KALRN: variants seen among roughly 807,000 people sequenced by gnomAD.
KALRN encodes kalirin.
A neutral mutation model predicts 353.7 loss-of-function variants in KALRN; 70 were observed. The observed-to-expected ratio is 0.20, with a 90% CI of 0.16 to 0.24. KALRN has a LOEUF of 0.24. Among genes scored for constraint, KALRN ranks in the 10% least tolerant of loss-of-function variants. KALRN has a pLI of 1.00. For synonymous variants in KALRN, 1,391 were observed against 1,434.8 expected (o/e 0.97, Z 0.69); for missense variants, 2,791 against 3,756.7 (o/e 0.74, Z 6.72).
intron 34 of KALRN, among the ~76,000 whole-genome samples, chr3:124,564,331 T>G (rs2072513826): frequency 6.6e-6 from 1 of 151,770 alleles, no homozygotes; most frequent in African/African-American, 2.4e-5. Context: ...TGCAGTGAGC[T>G]ATGATTGCAT....
intron 1 of KALRN, among the ~76,000 whole-genome samples, chr3:124,113,909 C>G (rs1021024551): frequency 6.6e-6 from 1 of 152,218 alleles, no homozygotes; most frequent in Non-Finnish European, 1.5e-5. Flanking sequence ...TTCTTATCAA[C>G]CACTTAAGGA....
chr3:124,163,829 G>A, intron 1 of KALRN: 1 of 985,500 alleles, frequency 1.0e-6, no homozygotes, highest in Non-Finnish European at 1.2e-6. Context: ...CCTGACTGAT[G>A]TTTAATGCCT....
chr3:124,465,648 G>A (rs945931773), intron 25 of KALRN, among the ~76,000 whole-genome samples: 16 of 152,062 alleles, frequency 1.1e-4, no homozygotes, highest in African/African-American at 2.2e-4. Flanking sequence ...ATACTTGTCC[G>A]AAATTGTCAC....
chr3:124,271,039 G>A (rs1477765922), intron 5 of KALRN, among the ~76,000 whole-genome samples: 4 of 152,052 alleles, frequency 2.6e-5, no homozygotes, highest in Non-Finnish European at 5.9e-5. Context: ...CACCGTGTTA[G>A]CCAGGATGGT....
intron 27 of KALRN, among the ~76,000 whole-genome samples, chr3:124,480,737 A>T (rs77296097): frequency 6.6e-6 from 1 of 152,116 alleles, no homozygotes; most frequent in Non-Finnish European, 1.5e-5. Context: ...CAAGCAACCA[A>T]TGATCTACTT....
chr3:124,652,077 G>A (rs993881213), intron 38 of KALRN, among the ~76,000 whole-genome samples: 3 of 152,184 alleles, frequency 2.0e-5, no homozygotes, highest in Admixed American at 2.0e-4. Context: ...CCTCCCTGTT[G>A]TTAATTAGCC....
rs78788264 is a variant in KALRN, at chr3:124,359,212, T to C, written c.1770+11947T>C. On this transcript the variant is annotated intron_variant, in intron 10 of 59. Coordinates refer to ENST00000682506, the MANE Select transcript of KALRN (RefSeq NM_001388419.1). Reference sequence around the variant, plus strand: ...ACTGACTTTTGCCCTTCTCTGCCTGTCCTCTGGTGTATCTGAAGCACATGT... The same window carrying C: ...ACTGACTTTTGCCCTTCTCTGCCTGCCCTCTGGTGTATCTGAAGCACATGT... Among the ~76,000 whole-genome samples, 568 of 152,340 alleles carry C rather than the reference T, an allele frequency of 3.7e-3. 18 individuals are homozygous for C. The East Asian group carries it at 0.074, about 20-fold the overall frequency.
chr3:124,469,857 A>T (rs936125407), intron 25 of KALRN, among the ~76,000 whole-genome samples: 1 of 152,204 alleles, frequency 6.6e-6, no homozygotes, highest in Non-Finnish European at 1.5e-5. Context: ...TGCTGACAAG[A>T]TTGTGCGCTC....
chr3:124,565,782 A>G (rs1197827655), intron 34 of KALRN, among the ~76,000 whole-genome samples: 2 of 152,200 alleles, frequency 1.3e-5, no homozygotes, highest in Non-Finnish European at 2.9e-5. Context: ...ACTTCGCAGG[A>G]GCAAACCCAA....
Position 124,699,947 on chromosome 3 carries a change from C to T in KALRN, c.7910C>T (p.Pro2637Leu), listed in dbSNP as rs2062238677. The T allele has an allele frequency of 3.7e-6, 6 of 1,614,032 alleles. No homozygotes were observed. In the South Asian group the frequency reaches 5.5e-5, roughly 15 times the overall value. ...LVIEDLSPGC[P>L]YQFRVSASNP... ...ATCGAAGACCTTAGTCCCGGGTGTC[C>T]TTATCAGTTCAGAGTCAGTGCCAGT... The change falls in exon 56 of 60, where the codon CCT becomes CTT. Residue 2637 changes from proline to leucine, a missense_variant. Pro to Leu is a moderately conservative substitution (Grantham distance 98). This residue lies in a region of KALRN where 1,065 missense variants were observed against 1,156.4 expected (regional missense o/e 0.92). Coordinates refer to ENST00000682506, the MANE Select transcript of KALRN (RefSeq NM_001388419.1).
chr3:124,434,581 T>G, intron 17 of KALRN, 56 bp downstream of exon 17: 2 of 1,529,334 alleles, frequency 1.3e-6, no homozygotes, highest in South Asian at 2.3e-5. Context: ...GGCCATTTTC[T>G]GCCTTGCAGT....
chr3:124,492,493 G>A (rs1308389157), intron 31 of KALRN, among the ~76,000 whole-genome samples: 1 of 152,176 alleles, frequency 6.6e-6, no homozygotes, highest in Non-Finnish European at 1.5e-5. Flanking sequence ...TATGAGTTAT[G>A]AAATACTTTG....
chr3:124,072,323 CTCTG>C (rs2060057555), intron 1 of KALRN, among the ~76,000 whole-genome samples: 1 of 152,180 alleles, frequency 6.6e-6, no homozygotes. Context: ...GTCTCTGTTC[CTCTG>C]TCTGTCTCCC....
At chr3:124,365,179 G>A (rs1384518832) in intron 10 of KALRN, among the ~76,000 whole-genome samples, 1 of 152,054 alleles carries the variant, frequency 6.6e-6, no homozygotes, top group Non-Finnish European at 1.5e-5. Flanking sequence ...GTCAATTTTT[G>A]TTTTTATTGA....
At chr3:124,631,471 A>G (rs533670304) in intron 34 of KALRN, among the ~76,000 whole-genome samples, 1 of 152,230 alleles carries the variant, frequency 6.6e-6, no homozygotes, top group South Asian at 2.1e-4. Context: ...ACCCCATCCT[A>G]ACCTCAGACC....
intron 1 of KALRN, among the ~76,000 whole-genome samples, chr3:124,131,129 A>G (rs1578394595): frequency 6.6e-6 from 1 of 151,938 alleles, no homozygotes; most frequent in African/African-American, 2.4e-5. Context: ...AGGAAGAGAG[A>G]TTGCTGAAGT....
intron 50 of KALRN, chr3:124,678,523 TTTTTTTC>T: frequency 2.1e-6 from 1 of 465,652 alleles, no homozygotes; most frequent in Non-Finnish European, 3.9e-6. Flanking sequence ...GTAAGTACCT[TTTTTTTC>T]TTTTATACCT....
intron 34 of KALRN, among the ~76,000 whole-genome samples, chr3:124,622,667 A>G (rs1391384477): frequency 6.6e-6 from 1 of 152,180 alleles, no homozygotes; most frequent in African/African-American, 2.4e-5. Flanking sequence ...TGGGGACACT[A>G]AGCTCCTAAC....
chr3:124,286,090 T>TCTTTCTTTC (rs1560462628), intron 5 of KALRN, among the ~76,000 whole-genome samples: 2 of 134,584 alleles, frequency 1.5e-5, no homozygotes, highest in East Asian at 4.4e-4. Context: ...TTCCTTTCTT[T>TCTTTCTTTC]CTTTCTTTCT....
Sources: gnomAD v4.1 joint callset for allele counts (sites outside exome capture counted in the v4.1 genomes callset) on GRCh38, gnomAD v4.1.1 for gene constraint, gnomAD v4.1.1 regional missense constraint, MANE v1.5 for transcripts, NCBI Gene and HGNC (gene_info 2026-07-23, HGNC 2026-07-21) for gene names.